The following PTP4A1 variants were observed in gnomAD, a reference collection of about 807,000 sequenced individuals.
PTP4A1 encodes the protein protein tyrosine phosphatase 4A1, also known as protein tyrosine phosphatase type IVA 1.
PTP4A1 carries 9 observed loss-of-function variants against 20.5 expected under a neutral mutation model. The observed-to-expected ratio is 0.44, with a 90% CI of 0.26 to 0.77. The LOEUF is 0.77. Among genes scored for constraint, PTP4A1 ranks in the 30% least tolerant of loss-of-function variants. The probability of loss-of-function intolerance (pLI) is 0.19; values close to 1 mark genes in which losing one functional copy is unlikely to be tolerated. For missense variants in PTP4A1, 137 were observed against 218.8 expected, an observed-to-expected ratio of 0.63 and a Z score of 2.36; for synonymous variants, 78 against 67.4, an observed-to-expected ratio of 1.16 and a Z score of -0.77.
chr6:63,551,225 C>T (rs931476220), intron 3 of PTP4A1, among the ~76,000 whole-genome samples: 2 of 152,004 alleles, frequency 1.3e-5, no homozygotes, highest in African/African-American at 4.8e-5. Flanking sequence ...GCCACCACAC[C>T]TGGCTAGTTT....
chr6:63,542,901 A>G (rs1776041191), intron 2 of PTP4A1, among the ~76,000 whole-genome samples: 1 of 152,108 alleles, frequency 6.6e-6, no homozygotes. Context: ...CTAGCCTCTT[A>G]TGTCGTGTTC....
At chr6:63,529,135 G>GTATATATATATATA (rs200448362) in intron 2 of PTP4A1, among the ~76,000 whole-genome samples, 1 of 133,920 alleles carries the variant, frequency 7.5e-6, no homozygotes, top group Admixed American at 7.9e-5. Context: ...ATATATGTGT[G>GTATATATATATATA]TGTATATATA....
chr6:63,533,638 A>G (rs1019250855), intron 2 of PTP4A1, among the ~76,000 whole-genome samples: 1 of 152,168 alleles, frequency 6.6e-6, no homozygotes, highest in African/African-American at 2.4e-5. Flanking sequence ...GATTAAATTT[A>G]CAGATAATAG....
chr6:63,579,765 A>G (rs1441946499), intron 5 of PTP4A1, among the ~76,000 whole-genome samples: 2 of 152,216 alleles, frequency 1.3e-5, no homozygotes, highest in Non-Finnish European at 1.5e-5. Context: ...ACCAGAGGCA[A>G]CTTCTGACTT....
chr6:63,519,052 C>A (rs956121983), upstream of PTP4A1, among the ~76,000 whole-genome samples: 3 of 152,166 alleles, frequency 2.0e-5, no homozygotes, highest in Admixed American at 6.5e-5. Context: ...CAGTGGCTCA[C>A]GCCTGTAATC....
chr6:63,539,672 G>A (rs545654226), intron 2 of PTP4A1, among the ~76,000 whole-genome samples: 2 of 152,226 alleles, frequency 1.3e-5, no homozygotes, highest in Admixed American at 1.3e-4. Context: ...AGGAGGCTGA[G>A]GCAGGGGAAT....
At chr6:63,522,879 T>C (rs1026613091) in intron 1 of PTP4A1, among the ~76,000 whole-genome samples, 1 of 150,456 alleles carries the variant, frequency 6.6e-6, no homozygotes, top group African/African-American at 2.4e-5. Flanking sequence ...TTTTTTTTTT[T>C]TTTGAGACAG....
intron 1 of PTP4A1, among the ~76,000 whole-genome samples, chr6:63,524,852 C>T (rs746234355): frequency 4.6e-5 from 7 of 152,012 alleles, no homozygotes; most frequent in East Asian, 1.9e-4. Context: ...TATGTGAATG[C>T]GAGATGTGGC....
Position 63,582,434 on chromosome 6 carries a change from C to T in PTP4A1, c.*2260C>T, listed in dbSNP as rs1778296961. The T allele has an allele frequency of 6.6e-6, 1 of 152,546 alleles. No homozygotes were observed. Among genetic ancestry groups the T allele is most frequent in the African/African-American group, 2.4e-5 (1 of 41,416 alleles). The allele number at this position is 152,546 out of a possible 1,614,324, so 9.4% of individuals were successfully genotyped here. A position where few individuals can be genotyped will look rare whatever the true frequency, so the allele number is the denominator to read the frequency against. The stretch of plus-strand genomic sequence containing the variant: ...ATTTACTTTATAAACCTTATCTGTA[C>T]ATTATACGATGTGATGAAATTTGCT... On this transcript the variant is annotated 3_prime_UTR_variant, in exon 6 of 6. Transcript: ENST00000626021.
intron 3 of PTP4A1, among the ~76,000 whole-genome samples, chr6:63,552,909 G>A (rs1375704365): frequency 1.3e-5 from 2 of 152,170 alleles, no homozygotes; most frequent in Admixed American, 6.5e-5. Context: ...GTACCGTGCT[G>A]TTTTGGTACT....
chr6:63,548,977 G>C, intron 2 of PTP4A1: 1 of 740,810 alleles, frequency 1.3e-6, no homozygotes, highest in Non-Finnish European at 2.4e-6. Context: ...TAAGGGACCC[G>C]CATTTTATGA....
At position 63,582,490 on chromosome 6, in the gene PTP4A1, A is replaced by G. The variant is rs1342467452; in HGVS notation, c.*2316A>G. On this transcript the variant is annotated 3_prime_UTR_variant, in exon 6 of 6. Transcript: ENST00000626021. ...TCCAAATATTTTGTATCTTGTAAAT[A>G]TGGCTAATTATAGGAATGCCTATAA... 6.6e-6 allele frequency: 1 copy of G among 152,636 alleles called. No individual in the cohort carries two copies. The highest frequency in any genetic ancestry group is 6.5e-5 in the Admixed American group (1 of 15,280). 9.5% of individuals were successfully genotyped at this position (152,636 alleles called of 1,614,324 possible).
chr6:63,573,451 CGCCCGCGCCTGACTGA>C (rs1777623092), intron 1 of PTP4A1: 1 of 152,162 alleles, frequency 6.6e-6, no homozygotes, highest in South Asian at 2.1e-4. Context: ...ATGGCCTCGG[CGCCCGCGCCTGACTGA>C]AGGCGCGGCG....
chr6:63,561,023 G>T (rs921564687), intron 3 of PTP4A1, among the ~76,000 whole-genome samples: 6 of 152,158 alleles, frequency 3.9e-5, no homozygotes, highest in African/African-American at 1.4e-4. Context: ...CTTTGTAATG[G>T]AATAATTCCT....
At chr6:63,559,704 C>T (rs1446715318) in intron 3 of PTP4A1, among the ~76,000 whole-genome samples, 2 of 151,862 alleles carry the variant, frequency 1.3e-5, no homozygotes, top group South Asian at 4.2e-4. Flanking sequence ...AAGATCGCGC[C>T]ACTGCACTCC....
At chr6:63,520,969 AAACT>A (rs1477291383), upstream of PTP4A1, among the ~76,000 whole-genome samples, 6 of 152,284 alleles carry the variant, frequency 3.9e-5, no homozygotes, top group East Asian at 9.6e-4. Context: ...CATCCTCAGC[AAACT>A]AACACAGGAA....
chr6:63,521,723 C>T (rs891353850), upstream of PTP4A1: 1 of 152,180 alleles, frequency 6.6e-6, no homozygotes, highest in African/African-American at 2.4e-5. Flanking sequence ...TAGACTTAAG[C>T]TCCTGCACTT....
intron 2 of PTP4A1, chr6:63,549,173 C>A: frequency 1.5e-6 from 1 of 685,966 alleles, no homozygotes; most frequent in African/African-American, 1.8e-5. Flanking sequence ...CCAACAGCCT[C>A]TGTTTCTTCT....
At chr6:63,559,504 TG>T (rs1481905287) in intron 3 of PTP4A1, among the ~76,000 whole-genome samples, 1 of 152,166 alleles carries the variant, frequency 6.6e-6, no homozygotes, top group Non-Finnish European at 1.5e-5. Context: ...CCCAGCACTT[TG>T]GGAGGCCGAG....
Sources: gnomAD v4.1 joint callset for allele counts (sites outside exome capture counted in the v4.1 genomes callset) on GRCh38, gnomAD v4.1.1 for gene constraint, MANE v1.5 for transcripts, NCBI Gene and HGNC (gene_info 2026-07-23, HGNC 2026-07-21) for gene names.